MYO9A: variants seen among roughly 807,000 people sequenced by gnomAD.
MYO9A encodes myosin IXA.
MYO9A carries 103 observed loss-of-function variants against 293.3 expected under a neutral mutation model. That is an observed-to-expected ratio of 0.35 (90% CI 0.30 to 0.41). MYO9A has a LOEUF of 0.41. MYO9A is among the 10% of genes least tolerant of loss of function. The pLI is 1.00. For synonymous variants in MYO9A, 1,001 were observed against 1,035.7 expected (o/e 0.97, Z 0.64); for missense variants, 2,685 against 3,033.0 (o/e 0.89, Z 2.69).
At position 71,850,047 on chromosome 15, in the gene MYO9A, A is replaced by C; in HGVS notation, c.6702T>G (p.Ser2234Arg). The change falls in exon 38 of 42, where the codon AGT becomes AGG. Residue 2234 changes from serine (S) to arginine (R), a missense_variant. Physicochemically the swap from Ser to Arg is moderately radical, Grantham distance 110 (BLOSUM62 -1). Around this residue, in one of 10 missense-constraint regions of MYO9A, gnomAD observed 238 missense variants for 269.1 expected, o/e 0.88. Coordinates refer to ENST00000356056, the MANE Select transcript of MYO9A (RefSeq NM_006901.4). ...TDPLQSVQDI[S>R]KTTTCVELIV... ...GTAACTGGCCTTACGTGGTAGTCTT[A>C]CTGATGTCCTGTACACTTTGTAGTG... 6.2e-7 allele frequency: 1 copy of C among 1,613,970 alleles called. No homozygotes were observed. The highest frequency in any genetic ancestry group is 8.5e-7 in the Non-Finnish European group (1 of 1,179,876).
intron 32 of MYO9A, among the ~76,000 whole-genome samples, chr15:71,867,798 TCACACACA>T (rs57300333): frequency 0.078 from 10,000 of 127,454 alleles, 553 homozygotes; most frequent in East Asian, 0.16. Context: ...TGGGAATCCA[TCACACACA>T]CACACACACA....
At chr15:71,927,766 G>C (rs2058351371) in intron 18 of MYO9A, among the ~76,000 whole-genome samples, 1 of 151,542 alleles carries the variant, frequency 6.6e-6, no homozygotes. Context: ...TTATATTTAA[G>C]TCTTTAACCT....
chr15:72,010,861 T>C (rs1300910690), intron 6 of MYO9A, among the ~76,000 whole-genome samples: 1 of 152,148 alleles, frequency 6.6e-6, no homozygotes, highest in African/African-American at 2.4e-5. Flanking sequence ...AACAAGTGCC[T>C]ACCCTATGTA....
chr15:72,051,462 C>T (rs971047573), intron 1 of MYO9A, among the ~76,000 whole-genome samples: 3 of 152,134 alleles, frequency 2.0e-5, no homozygotes, highest in Non-Finnish European at 4.4e-5. Flanking sequence ...CAGGCAGGAG[C>T]CCCACCCTCC....
At chr15:71,855,407 A>G (rs893023684) in intron 34 of MYO9A, among the ~76,000 whole-genome samples, 3 of 152,200 alleles carry the variant, frequency 2.0e-5, no homozygotes. Flanking sequence ...AAGTGCTGGG[A>G]TTACAGGCAT....
At chr15:72,015,685 T>G (rs1441764976) in intron 6 of MYO9A, among the ~76,000 whole-genome samples, 1 of 73,616 alleles carries the variant, frequency 1.4e-5, no homozygotes, top group East Asian at 6.2e-4. Flanking sequence ...CAGATCAGGT[T>G]TTTTTTTTTT....
Position 71,893,754 on chromosome 15 carries a change from A to C in MYO9A, c.5067T>G (p.Ser1689Arg). 6.8e-6 allele frequency: 11 copies of C among 1,613,912 alleles called. No individual in the cohort carries two copies. Among genetic ancestry groups the C allele is most frequent in the Non-Finnish European group, 9.3e-6 (11 of 1,179,876 alleles). ...CTTCTTTATGGAGTTGAGGATTTTT[A>C]CTGTTTAAGGCTTCTTTGCTGACAC... is the stretch of plus-strand genomic sequence containing the variant. ...IPLVSKEALN[S>R]KNPQLHKEDE... The change falls in exon 26 of 42, where the codon AGT becomes AGG. Residue 1689 changes from serine to arginine, a missense_variant. By Grantham distance (110) the Ser-to-Arg change is moderately radical. Around this residue, in one of 10 missense-constraint regions of MYO9A, gnomAD observed 1,434 missense variants for 1,497.7 expected, o/e 0.96. Coordinates refer to ENST00000356056, the MANE Select transcript of MYO9A (RefSeq NM_006901.4).
At chr15:72,000,900 G>A (rs761580397) in intron 8 of MYO9A, among the ~76,000 whole-genome samples, 1 of 152,116 alleles carries the variant, frequency 6.6e-6, no homozygotes, top group Non-Finnish European at 1.5e-5. Context: ...GCATTTACAC[G>A]ATTTACAATT....
At chr15:71,920,279 T>G (rs1008395471) in intron 18 of MYO9A, among the ~76,000 whole-genome samples, 5 of 152,174 alleles carry the variant, frequency 3.3e-5, no homozygotes, top group Non-Finnish European at 1.5e-5. Flanking sequence ...AAAAGATTAA[T>G]GAGATATTGC....
intron 32 of MYO9A, among the ~76,000 whole-genome samples, chr15:71,870,198 T>C (rs1219284556): frequency 6.6e-6 from 1 of 151,966 alleles, no homozygotes; most frequent in East Asian, 1.9e-4. Flanking sequence ...CTGTATTACT[T>C]TCATGGTAAA....
chr15:72,008,670 G>A (rs915866406), intron 7 of MYO9A, among the ~76,000 whole-genome samples: 1 of 152,022 alleles, frequency 6.6e-6, no homozygotes, highest in African/African-American at 2.4e-5. Flanking sequence ...ATCAACTCCT[G>A]TTAATTCAGG....
intron 25 of MYO9A, among the ~76,000 whole-genome samples, chr15:71,896,498 G>A (rs1307267737): frequency 2.6e-5 from 4 of 152,084 alleles, no homozygotes; most frequent in Admixed American, 6.5e-5. Flanking sequence ...TTCTACTTAC[G>A]GCTGGGTGCG....
intron 39 of MYO9A, among the ~76,000 whole-genome samples, chr15:71,831,444 T>A (rs2054723500): frequency 6.6e-6 from 1 of 152,232 alleles, no homozygotes; most frequent in South Asian, 2.1e-4. Context: ...GAATAAAAGT[T>A]GGAGCCAGAC....
At chr15:72,047,432 C>A (rs766639917) in intron 1 of MYO9A, among the ~76,000 whole-genome samples, 1 of 152,140 alleles carries the variant, frequency 6.6e-6, no homozygotes, top group African/African-American at 2.4e-5. Context: ...CCCATCTTCT[C>A]GAACCTCGTA....
intron 19 of MYO9A, among the ~76,000 whole-genome samples, chr15:71,910,882 TTTC>T (rs2057826056): frequency 1.3e-5 from 2 of 152,320 alleles, no homozygotes; most frequent in South Asian, 2.1e-4. Context: ...TCTTGCTCTT[TTTC>T]TTCTTTTAAT....
intron 12 of MYO9A, among the ~76,000 whole-genome samples, chr15:71,973,334 T>C (rs573701386): frequency 6.6e-6 from 1 of 152,296 alleles, no homozygotes; most frequent in African/African-American, 2.4e-5. Context: ...TGTGAAGGAA[T>C]AGTTCCATTT....
chr15:71,937,001 T>G (rs1311833702), intron 16 of MYO9A, among the ~76,000 whole-genome samples: 137 of 103,510 alleles, frequency 1.3e-3, no homozygotes, highest in Admixed American at 1.6e-3. Flanking sequence ...AGGAAGCAAG[T>G]GAGGGAAGAA....
At chr15:72,073,592 T>C (rs929161426) in intron 1 of MYO9A, among the ~76,000 whole-genome samples, 4 of 152,230 alleles carry the variant, frequency 2.6e-5, no homozygotes, top group Non-Finnish European at 5.9e-5. Flanking sequence ...ATTAGCTGTT[T>C]AACAATGGTT....
At chr15:71,920,207 T>C (rs997957085) in intron 18 of MYO9A, among the ~76,000 whole-genome samples, 1 of 152,228 alleles carries the variant, frequency 6.6e-6, no homozygotes, top group African/African-American at 2.4e-5. Context: ...TAAGCTTAAT[T>C]AACCAGTTTA....
Sources: allele counts gnomAD v4.1 joint callset (sites outside exome capture counted in the v4.1 genomes callset), GRCh38; gene constraint gnomAD v4.1.1; regional missense constraint gnomAD v4.1.1; transcripts MANE v1.5; gene names NCBI Gene and HGNC (gene_info 2026-07-23, HGNC 2026-07-21).